SDK1: variants seen among roughly 807,000 people sequenced by gnomAD.
SDK1 encodes sidekick cell adhesion molecule 1.
Under a neutral mutation model 245.5 loss-of-function variants are expected in SDK1, and 157 were observed. The ratio of observed to expected loss-of-function variants is 0.64; its 90% CI spans 0.56 to 0.73. SDK1 has a LOEUF of 0.73. Among genes scored for constraint, SDK1 ranks in the 30% least tolerant of loss-of-function variants. SDK1 has a pLI of 0.00. For missense variants in SDK1, 3,583 were observed against 3,002.3 expected, an observed-to-expected ratio of 1.19 and a Z score of -4.52; for synonymous variants, 1,647 against 1,278.5, an observed-to-expected ratio of 1.29 and a Z score of -6.15.
chr7:4,125,189 TGA>T (rs1784309324), intron 25 of SDK1, among the ~76,000 whole-genome samples: 1 of 127,702 alleles, frequency 7.8e-6, no homozygotes, highest in African/African-American at 3.0e-5. Context: ...GATGGATGGG[TGA>T]TGGATGGATG....
chr7:3,790,758 A>T (rs1781056598), intron 4 of SDK1, among the ~76,000 whole-genome samples: 1 of 152,202 alleles, frequency 6.6e-6, no homozygotes, highest in African/African-American at 2.4e-5. Context: ...GTGAGCTGAG[A>T]TCATGCTATT....
At chr7:3,980,705 A>G (rs558626307) in intron 13 of SDK1, among the ~76,000 whole-genome samples, 1 of 152,222 alleles carries the variant, frequency 6.6e-6, no homozygotes, top group Non-Finnish European at 1.5e-5. Context: ...GCACTTTGGG[A>G]GGCCGAGGCA....
rs141456920 is a variant in SDK1 at position 3,409,254 on chromosome 7, C to G, written c.298+107370C>G. Among the ~76,000 whole-genome samples the G allele has an allele frequency of 1.7e-3, 253 of 151,792 alleles. 1 individual carries two copies. The highest frequency in any genetic ancestry group is 5.8e-3 in the African/African-American group (240 of 41,400). ...CATTAATCCTCATATCCTTAATCGC[C>G]TCCCCTTTCCCTTATGATGGTCTGT... On this transcript the variant is annotated intron_variant, in intron 1 of 44. Transcript: ENST00000404826.
rs934331161 is a variant in SDK1, at chr7:3,338,444, A to G, written c.298+36560A>G. The G allele has an allele frequency of 8.4e-5, 44 of 522,728 alleles. 1 individual carries two copies. Among genetic ancestry groups the G allele is most frequent in the East Asian group, 2.0e-4 (4 of 19,694 alleles). 32.4% of individuals were successfully genotyped at this position (522,728 alleles called of 1,614,324 possible). On this transcript the variant is annotated intron_variant, in intron 1 of 44. Transcript: ENST00000404826. Reference sequence around the variant, plus strand: ...AAGAGCCAAGATAGCTTCCTGAAACATGTGAAGGAAAATGATCAGAAAAAG... The same window carrying G: ...AAGAGCCAAGATAGCTTCCTGAAACGTGTGAAGGAAAATGATCAGAAAAAG...
chr7:3,447,479 A>G (rs1166698502), intron 1 of SDK1, among the ~76,000 whole-genome samples: 1 of 152,124 alleles, frequency 6.6e-6, no homozygotes, highest in African/African-American at 2.4e-5. Flanking sequence ...TGTATGCTTC[A>G]TAAATTGGAC....
chr7:3,676,754 G>C (rs1026705171), intron 4 of SDK1, among the ~76,000 whole-genome samples: 1 of 152,180 alleles, frequency 6.6e-6, no homozygotes, highest in Non-Finnish European at 1.5e-5. Context: ...CATTATCCTA[G>C]CAACATTTAT....
In SDK1 at chr7:4,145,775, G is replaced by A. The variant is rs147475105; in HGVS notation, c.4282G>A (p.Val1428Met). ...CAGCAGCCCCCACACCTTCACCACC[G>A]TGGAGGTCGGCGCCACAGTGAGGCA... ...ASSSPHTFTT[V>M]EVGATVRQFT... The change falls in exon 29 of 45, where the codon GTG becomes ATG. Residue 1428 changes from valine (V) to methionine (M), a missense_variant. Transcript: ENST00000404826. The A allele has an allele frequency of 8.0e-5, 129 of 1,613,294 alleles. No individual in the cohort carries two copies. Among genetic ancestry groups the A allele is most frequent in the Middle Eastern group, 1.6e-4 (1 of 6,078 alleles).
At chr7:4,245,979 C>T (rs144579299) in intron 44 of SDK1, among the ~76,000 whole-genome samples, 174 bp downstream of exon 44, 9 of 152,192 alleles carry the variant, frequency 5.9e-5, no homozygotes, top group African/African-American at 1.7e-4. Context: ...TTCAACCCCA[C>T]GGCCTGCTCT....
At chr7:3,810,055 G>A (rs1010341100) in intron 4 of SDK1, among the ~76,000 whole-genome samples, 3 of 151,980 alleles carry the variant, frequency 2.0e-5, no homozygotes, top group Non-Finnish European at 4.4e-5. Context: ...AATTTTTGAT[G>A]GAATTATTTA....
chr7:3,697,151 A>C (rs1397205619), intron 4 of SDK1, among the ~76,000 whole-genome samples: 1 of 152,226 alleles, frequency 6.6e-6, no homozygotes, highest in African/African-American at 2.4e-5. Context: ...TGAAGTGAAC[A>C]TCAATGATCC....
intron 4 of SDK1, among the ~76,000 whole-genome samples, chr7:3,725,643 G>T (rs1417493220): frequency 6.6e-6 from 1 of 152,118 alleles, no homozygotes; most frequent in Non-Finnish European, 1.5e-5. Context: ...CAGGGAGGCT[G>T]GCCAAGCTGG....
At chr7:3,791,934 G>T (rs1419488348) in intron 4 of SDK1, among the ~76,000 whole-genome samples, 1 of 151,858 alleles carries the variant, frequency 6.6e-6, no homozygotes, top group Non-Finnish European at 1.5e-5. Flanking sequence ...AACCAGCCTG[G>T]GCAACACAGG....
chr7:4,262,159 C>T (rs929645027), intron 44 of SDK1, among the ~76,000 whole-genome samples: 1 of 149,848 alleles, frequency 6.7e-6, no homozygotes, highest in Non-Finnish European at 1.5e-5. Flanking sequence ...CTGCCTCAGC[C>T]TCCCAAGTAG....
At chr7:3,800,683 T>G (rs1779086353) in intron 4 of SDK1, among the ~76,000 whole-genome samples, 1 of 152,220 alleles carries the variant, frequency 6.6e-6, no homozygotes, top group South Asian at 2.1e-4. Flanking sequence ...GTCTTTTATT[T>G]TTTTAAAGTC....
chr7:4,197,251 C>T (rs1584422594), intron 35 of SDK1, among the ~76,000 whole-genome samples: 1 of 151,536 alleles, frequency 6.6e-6, no homozygotes, highest in African/African-American at 2.4e-5. Flanking sequence ...ATTGCTTGGG[C>T]TCAGGATTTG....
chr7:3,789,630 G>C lies in SDK1; in HGVS notation c.714-31820G>C, dbSNP rs116262706. 1.8e-3 allele frequency among the ~76,000 whole-genome samples: 272 copies of C among 152,284 alleles called. 2 individuals carry two copies. The highest frequency in any genetic ancestry group is 6.4e-3 in the African/African-American group (264 of 41,558). On this transcript the variant is annotated intron_variant, in intron 4 of 44. Coordinates refer to ENST00000404826, the MANE Select transcript of SDK1 (RefSeq NM_152744.4). ...TGGAAAAGTGTATCATCCAACTTCTGATCAAACATGGAGCATTAACTCTAC... is the reference window on the plus strand; with the variant it reads ...TGGAAAAGTGTATCATCCAACTTCTCATCAAACATGGAGCATTAACTCTAC...
chr7:3,391,635 A>AC (rs371457757), intron 1 of SDK1, among the ~76,000 whole-genome samples: 2 of 130,330 alleles, frequency 1.5e-5, no homozygotes, highest in African/African-American at 5.7e-5. Flanking sequence ...CTGTTAACTG[A>AC]TTTTTTTTTT....
intron 28 of SDK1, among the ~76,000 whole-genome samples, chr7:4,145,002 G>C (rs1379458079): frequency 6.6e-6 from 1 of 152,168 alleles, no homozygotes; most frequent in Non-Finnish European, 1.5e-5. Flanking sequence ...CAGCGGGGGA[G>C]GCCTGGGGCG....
At chr7:4,145,590 A>C in intron 28 of SDK1, 132 bp from the exon 29 acceptor site, 1 of 762,350 alleles carries the variant, frequency 1.3e-6, no homozygotes, top group East Asian at 2.8e-5. Context: ...CTTTCAGTGC[A>C]CAGGCAGTGA....
Sources: gnomAD v4.1 joint callset for allele counts (sites outside exome capture counted in the v4.1 genomes callset) on GRCh38, gnomAD v4.1.1 for gene constraint, MANE v1.5 for transcripts, NCBI Gene and HGNC (gene_info 2026-07-23, HGNC 2026-07-21) for gene names.